The following RALY variants were observed in gnomAD, a reference collection of about 807,000 sequenced individuals.
RALY encodes RALY heterogeneous nuclear ribonucleoprotein, also known as RNA-binding protein Raly.
In RALY, 15 loss-of-function variants were observed where a neutral mutation model predicts 30.7. The observed-to-expected ratio is 0.49, with a 90% confidence interval of 0.33 to 0.75. The LOEUF is 0.75. RALY is among the 30% of genes least tolerant of loss of function. RALY has a pLI of 0.02. For synonymous variants in RALY, 177 were observed against 170.8 expected, an observed-to-expected ratio of 1.04 and a Z score of -0.28; for missense variants, 339 against 414.3, an observed-to-expected ratio of 0.82 and a Z score of 1.58.
intron 1 of RALY, among the ~76,000 whole-genome samples, chr20:34,019,321 T>C (rs2031727368): frequency 6.6e-6 from 1 of 151,694 alleles, no homozygotes; most frequent in Non-Finnish European, 1.5e-5. Context: ...AGCGAGACTC[T>C]GTCTCAAAAG....
intron 2 of RALY, among the ~76,000 whole-genome samples, chr20:34,034,518 C>A (rs1167045123): frequency 6.6e-6 from 1 of 152,144 alleles, no homozygotes; most frequent in Admixed American, 6.5e-5. Flanking sequence ...CCACTATTAA[C>A]TTTTAAAATA....
chr20:34,063,304 C>T (rs558900314), intron 2 of RALY, among the ~76,000 whole-genome samples: 1 of 152,274 alleles, frequency 6.6e-6, no homozygotes, highest in African/African-American at 2.4e-5. Context: ...GGTCATATGG[C>T]ATGTCAGCAA....
chr20:34,082,931 C>G lies in RALY; in HGVS notation c.*3026C>G, dbSNP rs925413994. 1.3e-5 allele frequency: 2 copies of G among 152,226 alleles called. No homozygotes were observed. Among genetic ancestry groups the G allele is most frequent in the African/African-American group, 2.4e-5 (1 of 41,436 alleles). 9.4% of individuals were successfully genotyped at this position (152,226 alleles called of 1,614,324 possible). ...CCTCATTTGTGATCCTCACAGCCAT[C>G]TTGAAAGAATAGAGCAGCCAGTGGG... On this transcript the variant is annotated 3_prime_UTR_variant, in exon 10 of 10. Coordinates refer to ENST00000246194, the MANE Select transcript of RALY (RefSeq NM_016732.3).
chr20:34,027,574 A>G (rs1206694492), intron 1 of RALY, among the ~76,000 whole-genome samples: 1 of 152,192 alleles, frequency 6.6e-6, no homozygotes, highest in Non-Finnish European at 1.5e-5. Context: ...CCTGCCTATT[A>G]TTAGTAATTT....
chr20:33,997,757 C>T (rs2030708887), intron 1 of RALY, among the ~76,000 whole-genome samples: 2 of 152,088 alleles, frequency 1.3e-5, no homozygotes, highest in Non-Finnish European at 2.9e-5. Context: ...TGTGTTGGTC[C>T]ATTTAGGGGA....
chr20:34,033,992 C>T (rs2032380270), intron 2 of RALY, among the ~76,000 whole-genome samples: 1 of 152,164 alleles, frequency 6.6e-6, no homozygotes, highest in South Asian at 2.1e-4. Flanking sequence ...AATATGTGTG[C>T]TGCAGAGTGC....
chr20:34,039,150 C>T (rs990809656), intron 2 of RALY, among the ~76,000 whole-genome samples: 11 of 152,202 alleles, frequency 7.2e-5, no homozygotes, highest in African/African-American at 1.7e-4. Context: ...GTCTCAACTT[C>T]GGTCCTGCTT....
At chr20:34,067,845 T>C (rs2122262654) in intron 2 of RALY, among the ~76,000 whole-genome samples, 1 of 145,016 alleles carries the variant, frequency 6.9e-6, no homozygotes, top group African/African-American at 2.6e-5. Context: ...GACACTGTGC[T>C]CTCTCCCAGC....
At chr20:34,079,277 G>A (rs555775367) in intron 9 of RALY, among the ~76,000 whole-genome samples, 12 of 152,312 alleles carry the variant, frequency 7.9e-5, no homozygotes, top group African/African-American at 2.9e-4. Flanking sequence ...AGGGTGCAGG[G>A]AGATAAGGTA....
At chr20:34,019,165 A>G (rs932510300) in intron 1 of RALY, among the ~76,000 whole-genome samples, 5 of 152,112 alleles carry the variant, frequency 3.3e-5, no homozygotes, top group African/African-American at 1.2e-4. Context: ...TTTACTAAAA[A>G]TATTTTAAAA....
chr20:33,997,335 G>A (rs779912583), intron 1 of RALY, among the ~76,000 whole-genome samples: 11 of 152,078 alleles, frequency 7.2e-5, no homozygotes, highest in Admixed American at 2.6e-4. Flanking sequence ...GGCTGGCTTC[G>A]AACTCCTGAA....
Position 34,008,255 on chromosome 20 carries a change from A to G in RALY, c.-93+14124A>G, listed in dbSNP as rs1338454028. On this transcript the variant is annotated intron_variant, in intron 1 of 9. Coordinates refer to ENST00000246194, the MANE Select transcript of RALY (RefSeq NM_016732.3). The stretch of plus-strand genomic sequence containing the variant: ...TCTTTTTTTTCTCTTGTGTTTGGCA[A>G]AGGTGTTATTGCTTTTATGGAGATG... 7.9e-5 allele frequency among the ~76,000 whole-genome samples: 12 copies of G among 152,114 alleles called. No individual in the cohort carries two copies. The East Asian group carries it at 1.7e-3, about 22-fold the overall frequency.
chr20:34,032,118 A>G (rs2032305568), intron 2 of RALY, among the ~76,000 whole-genome samples: 1 of 152,152 alleles, frequency 6.6e-6, no homozygotes, highest in Admixed American at 6.5e-5. Flanking sequence ...ATGCACCGCC[A>G]TGCCTGGCTA....
At chr20:33,996,021 T>G (rs561400394) in intron 1 of RALY, among the ~76,000 whole-genome samples, 19 of 152,216 alleles carry the variant, frequency 1.2e-4, no homozygotes, top group Non-Finnish European at 2.6e-4. Flanking sequence ...TAAGCACAGG[T>G]GTACTAGTTC....
intron 2 of RALY, among the ~76,000 whole-genome samples, chr20:34,056,249 A>T (rs939270366): frequency 6.6e-6 from 1 of 152,116 alleles, no homozygotes; most frequent in Non-Finnish European, 1.5e-5. Flanking sequence ...TCCTTATGCT[A>T]TTTCCTCTTA....
In RALY at chr20:34,026,612, G is replaced by A. The variant is rs945321008; in HGVS notation, c.-92-4910G>A. On this transcript the variant is annotated intron_variant, in intron 1 of 9. Transcript: ENST00000246194. ...TTTTTAGTAGAGACGGGGTTTCACC[G>A]TGTTAGCCAGGATGGTCTCTATCTC... is the stretch of plus-strand genomic sequence containing the variant. Among the ~76,000 whole-genome samples the A allele has an allele frequency of 6.6e-5, 10 of 150,852 alleles. No individual in the cohort carries two copies. In the East Asian group the frequency reaches 1.2e-3, roughly 18 times the overall value.
intron 3 of RALY, among the ~76,000 whole-genome samples, chr20:34,072,576 C>T (rs546508593): frequency 1.4e-4 from 21 of 152,356 alleles, no homozygotes; most frequent in African/African-American, 5.0e-4. Flanking sequence ...ACAGGCTTTA[C>T]AGTTCCAGTT....
intron 2 of RALY, among the ~76,000 whole-genome samples, chr20:34,056,609 A>G (rs1051097437): frequency 1.3e-5 from 2 of 152,228 alleles, no homozygotes; most frequent in African/African-American, 2.4e-5. Context: ...TCCTCTACCT[A>G]GGAACCTACA....
At position 34,061,301 on chromosome 20, in the gene RALY, C is replaced by A. The variant is rs140420095; in HGVS notation, c.-9-10765C>A. Among the ~76,000 whole-genome samples the A allele has an allele frequency of 2.4e-3, 372 of 152,278 alleles. 3 individuals carry two copies. The highest frequency in any genetic ancestry group is 8.4e-3 in the African/African-American group (351 of 41,542). The stretch of plus-strand genomic sequence containing the variant: ...GGTGGCAAGTCCTTAGTCTCCCTAT[C>A]CCCTTCTCTCTTAAGAGAGAGACAA... On this transcript the variant is annotated intron_variant, in intron 2 of 9. Transcript: ENST00000246194.
Sources: allele counts gnomAD v4.1 joint callset (sites outside exome capture counted in the v4.1 genomes callset), GRCh38; gene constraint gnomAD v4.1.1; transcripts MANE v1.5; gene names NCBI Gene and HGNC (gene_info 2026-07-23, HGNC 2026-07-21).